USH2A: variants seen among roughly 807,000 people sequenced by gnomAD.
The protein encoded by USH2A is usherin.
In USH2A, 443 loss-of-function variants were observed where a neutral mutation model predicts 538.9. The ratio of observed to expected loss-of-function variants is 0.82; its 90% CI spans 0.76 to 0.89. USH2A has a LOEUF of 0.89. Among genes scored for constraint, USH2A ranks in the 40% least tolerant of loss-of-function variants. The pLI is 0.00. For missense variants in USH2A, 6,633 were observed against 6,324.8 expected, an observed-to-expected ratio of 1.05 and a Z score of -1.65; for synonymous variants, 2,413 against 2,273.5, an observed-to-expected ratio of 1.06 and a Z score of -1.75.
intron 3 of USH2A, among the ~76,000 whole-genome samples, chr1:216,403,776 G>C (rs2102763708): frequency 6.6e-6 from 1 of 152,252 alleles, no homozygotes; most frequent in East Asian, 1.9e-4. Flanking sequence ...ATCTTGAACT[G>C]TATAATCCCC....
chr1:215,831,742 T>C (rs1159007962), intron 47 of USH2A, among the ~76,000 whole-genome samples: 1 of 151,938 alleles, frequency 6.6e-6, no homozygotes, highest in African/African-American at 2.4e-5. Context: ...AAATCAATAA[T>C]GAAAGTTTTC....
In USH2A at chr1:216,031,984, T is replaced by A. The variant is rs186105492; in HGVS notation, c.6325+14447A>T. On this transcript the variant is annotated intron_variant, in intron 32 of 71. Coordinates refer to ENST00000307340, the MANE Select transcript of USH2A (RefSeq NM_206933.4). ...CACACTGGGTTGAACCCTTCTCTTTTGTTGTCACACATGTTACAGAATTTA... is the reference window on the plus strand; with the variant it reads ...CACACTGGGTTGAACCCTTCTCTTTAGTTGTCACACATGTTACAGAATTTA... Among the ~76,000 whole-genome samples, 40 of 152,328 alleles carry A rather than the reference T, an allele frequency of 2.6e-4. No individual in the cohort carries two copies. The East Asian group carries it at 6.4e-3, about 24-fold the overall frequency.
At chr1:215,891,018 T>C (rs1049765823) in intron 40 of USH2A, among the ~76,000 whole-genome samples, 1 of 152,184 alleles carries the variant, frequency 6.6e-6, no homozygotes, top group African/African-American at 2.4e-5. Flanking sequence ...TATCAAACTG[T>C]GAGCATCTTC....
rs762358589 is a variant in USH2A, at chr1:215,867,094, T to C, written c.8758A>G (p.Thr2920Ala). The change falls in exon 44 of 72, where the codon ACG becomes GCG. Residue 2920 changes from threonine (T) to alanine (A), a missense_variant. By Grantham distance (58) the Thr-to-Ala change is moderately conservative. Transcript: ENST00000307340. ...FTPSREVTVTTLAGLPERGAN... is the reference protein window; with the variant it reads ...FTPSREVTVTALAGLPERGAN... ...CCTCTCTCTGGAAGACCAGCTAACG[T>C]TGTCACAGTCACTTCTCGGCTCGGT... The C allele has an allele frequency of 5.6e-6, 9 of 1,614,032 alleles. No individual in the cohort carries two copies. Among genetic ancestry groups the C allele is most frequent in the Non-Finnish European group, 5.9e-6 (7 of 1,180,018 alleles).
At chr1:216,356,466 T>C (rs1413797402) in intron 4 of USH2A, among the ~76,000 whole-genome samples, 2 of 152,124 alleles carry the variant, frequency 1.3e-5, no homozygotes, top group South Asian at 2.1e-4. Context: ...ATCCCACTCA[T>C]AGAGATTAAC....
At chr1:215,917,418 A>G (rs1321050317) in intron 38 of USH2A, among the ~76,000 whole-genome samples, 1 of 152,084 alleles carries the variant, frequency 6.6e-6, no homozygotes, top group East Asian at 1.9e-4. Flanking sequence ...AATTTAAAAT[A>G]TATACAACAA....
At chr1:215,860,648 T>C (rs1468091360) in intron 44 of USH2A, among the ~76,000 whole-genome samples, 1 of 152,168 alleles carries the variant, frequency 6.6e-6, no homozygotes, top group Admixed American at 6.5e-5. Flanking sequence ...AGTGGCAAAT[T>C]TGAGTTAAGA....
chr1:215,660,733 G>T (rs905338466), intron 64 of USH2A, among the ~76,000 whole-genome samples: 13 of 152,122 alleles, frequency 8.5e-5, no homozygotes, highest in Non-Finnish European at 1.8e-4. Flanking sequence ...TTAGAGAAAA[G>T]AATTTTATTA....
At chr1:216,068,575 C>A (rs11589680) in intron 30 of USH2A, among the ~76,000 whole-genome samples, 39,330 of 151,922 alleles carry the variant, frequency 0.26, 5,820 homozygotes, top group South Asian at 0.44. Flanking sequence ...TACTCTACTG[C>A]AGCAGACAGA....
chr1:216,104,528 C>T (rs941854500), intron 21 of USH2A, among the ~76,000 whole-genome samples: 28 of 152,058 alleles, frequency 1.8e-4, no homozygotes, highest in African/African-American at 6.8e-4. Flanking sequence ...ATATGTACAA[C>T]CATCTGATCT....
At chr1:215,743,386 ATGTGTGTGTGTG>A (rs61304768) in intron 58 of USH2A, 51 bp from the exon 59 acceptor site, 11 of 326,856 alleles carry the variant, frequency 3.4e-5, no homozygotes, top group Admixed American at 1.2e-4. Flanking sequence ...ATATATATAT[ATGTGTGTGTGTG>A]TGTGTGTGTG....
intron 59 of USH2A, 61 bp from the exon 60 acceptor site, chr1:215,741,598 T>A (rs1660307361): frequency 6.3e-7 from 1 of 1,575,822 alleles, no homozygotes. Flanking sequence ...AACTACATAT[T>A]CATACAGAAG....
At chr1:216,281,905 C>T (rs891492507) in intron 11 of USH2A, among the ~76,000 whole-genome samples, 1 of 138,284 alleles carries the variant, frequency 7.2e-6, no homozygotes, top group African/African-American at 2.7e-5. Flanking sequence ...AGTCATCCCA[C>T]TGGTTGGGAA....
chr1:216,192,323 A>T (rs1303195835), intron 19 of USH2A, among the ~76,000 whole-genome samples: 7 of 152,100 alleles, frequency 4.6e-5, no homozygotes, highest in Non-Finnish European at 1.0e-4. Context: ...AAGGTAAAAA[A>T]TTGGACTTTG....
intron 14 of USH2A, among the ~76,000 whole-genome samples, chr1:216,220,482 A>C (rs559864665): frequency 4.6e-5 from 7 of 151,316 alleles, no homozygotes; most frequent in African/African-American, 1.7e-4. Context: ...CTAGTCTGGT[A>C]GCAGAAGAAG....
In USH2A at chr1:216,000,464, G is replaced by C. The variant is rs748091697; in HGVS notation, c.6424C>G (p.Pro2142Ala). 1 of 1,613,750 alleles carries C rather than the reference G, an allele frequency of 6.2e-7. No individual in the cohort carries two copies. Among genetic ancestry groups the C allele is most frequent in the South Asian group, 1.1e-5 (1 of 91,080 alleles). Reference protein sequence around the residue: ...SWVLLYTAQLPPEHVDSPVLT... With the variant: ...SWVLLYTAQLAPEHVDSPVLT... ...ACTGGGGAATCCACGTGTTCTGGTG[G>C]CAGCTGTGCTGTGTACAGTAGGACC... The change falls in exon 33 of 72, where the codon CCA becomes GCA. Residue 2142 changes from proline to alanine, a missense_variant. Coordinates refer to ENST00000307340, the MANE Select transcript of USH2A (RefSeq NM_206933.4).
At chr1:216,050,609 T>TTC (rs1558231922) in intron 30 of USH2A, among the ~76,000 whole-genome samples, 1 of 96,858 alleles carries the variant, frequency 1.0e-5, no homozygotes, top group Non-Finnish European at 2.4e-5. Flanking sequence ...TCTTTCTTTT[T>TTC]TTTTTTTTTT....
chr1:215,778,819 T>C (rs1231417631), intron 55 of USH2A, among the ~76,000 whole-genome samples: 1 of 152,208 alleles, frequency 6.6e-6, no homozygotes, highest in Non-Finnish European at 1.5e-5. Context: ...ACTCGAATAA[T>C]GAACTAAATT....
intron 37 of USH2A, among the ~76,000 whole-genome samples, chr1:215,947,905 A>G (rs1360504779): frequency 6.6e-6 from 1 of 152,204 alleles, no homozygotes; most frequent in East Asian, 1.9e-4. Context: ...TGCCATACAG[A>G]GTAAATCATT....
Sources: allele counts gnomAD v4.1 joint callset (sites outside exome capture counted in the v4.1 genomes callset), GRCh38; gene constraint gnomAD v4.1.1; transcripts MANE v1.5; gene names NCBI Gene and HGNC (gene_info 2026-07-23, HGNC 2026-07-21).